TTC23L: variants seen among roughly 807,000 people sequenced by gnomAD.
TTC23L encodes tetratricopeptide repeat protein 23-like.
Under a neutral mutation model 48.1 loss-of-function variants are expected in TTC23L, and 42 were observed. That is an observed-to-expected ratio of 0.87 (90% CI 0.68 to 1.13). The LOEUF (loss-of-function observed/expected upper bound fraction) is 1.13, where lower values mean the gene tolerates loss of function less well. Among genes scored for constraint, TTC23L ranks in the 50% most tolerant of loss-of-function variants. The pLI, the probability that TTC23L is intolerant of heterozygous loss-of-function variation, is 0.00. For missense variants in TTC23L, 391 were observed against 421.0 expected (o/e 0.93, Z 0.62); for synonymous variants, 159 against 157.2 (o/e 1.01, Z -0.09).
At chr5:34,898,978 A>C (rs551112047) in intron 10 of TTC23L, among the ~76,000 whole-genome samples, 153 of 152,282 alleles carry the variant, frequency 1.0e-3, no homozygotes, top group African/African-American at 3.6e-3. Context: ...AGCAAGAGAG[A>C]TCTTTCACAG....
At position 34,855,881 on chromosome 5, in the gene TTC23L, A is replaced by G. The variant is rs77845995; in HGVS notation, c.379+5573A>G. ...GAATGAAACAAAAAAAGTTACTTAG[A>G]GGGTGGTTGGGGACAAAGGGAACAA... On this transcript the variant is annotated intron_variant, in intron 4 of 10. Coordinates refer to ENST00000505624, the Ensembl canonical transcript of TTC23L. Among the ~76,000 whole-genome samples the G allele has an allele frequency of 5.3e-3, 813 of 152,328 alleles. 5 individuals are homozygous for G. Among genetic ancestry groups the G allele is most frequent in the African/African-American group, 0.019 (776 of 41,570 alleles).
intron 4 of TTC23L, among the ~76,000 whole-genome samples, chr5:34,855,390 T>A (rs1291601619): frequency 6.6e-6 from 1 of 152,176 alleles, no homozygotes; most frequent in Non-Finnish European, 1.5e-5. Flanking sequence ...TATCAAAGTG[T>A]ACTTTTGGCA....
At chr5:34,895,896 T>G (rs373803367) in intron 9 of TTC23L, among the ~76,000 whole-genome samples, 1 of 152,246 alleles carries the variant, frequency 6.6e-6, no homozygotes, top group Admixed American at 6.5e-5. Context: ...TGCATTCATC[T>G]TCTTTTCCTA....
chr5:34,880,905 C>G (rs911331645), intron 9 of TTC23L, among the ~76,000 whole-genome samples: 1 of 152,168 alleles, frequency 6.6e-6, no homozygotes, highest in Non-Finnish European at 1.5e-5. Flanking sequence ...TCCCACAGTG[C>G]TGGGATTACA....
chr5:34,844,395 G>A (rs527323808), intron 2 of TTC23L, among the ~76,000 whole-genome samples: 1 of 142,168 alleles, frequency 7.0e-6, no homozygotes, highest in Admixed American at 7.4e-5. Context: ...ATTACAGTTG[G>A]CATACAGCTC....
At chr5:34,875,599 C>T (rs1261320249) in intron 8 of TTC23L, among the ~76,000 whole-genome samples, 1 of 152,058 alleles carries the variant, frequency 6.6e-6, no homozygotes, top group Non-Finnish European at 1.5e-5. Flanking sequence ...TCTCCCAGCC[C>T]ACTGTCTCTA....
At chr5:34,853,949 A>G (rs1759897646) in intron 4 of TTC23L, among the ~76,000 whole-genome samples, 2 of 152,236 alleles carry the variant, frequency 1.3e-5, no homozygotes, top group Non-Finnish European at 2.9e-5. Flanking sequence ...AGGCAAGGCC[A>G]GATGCTGCCC....
the TTC23L span, chr5:34,907,130 G>A: frequency 6.6e-6 from 1 of 152,194 alleles, no homozygotes; most frequent in Admixed American, 6.5e-5. Flanking sequence ...TTGTGCTGGA[G>A]TAGCCTCCTT....
chr5:34,920,538 A>G, the TTC23L span: 1 of 152,204 alleles, frequency 6.6e-6, no homozygotes, highest in Non-Finnish European at 1.5e-5. Flanking sequence ...CAACAGAGCA[A>G]TGTCCCTGTC....
chr5:34,866,669 G>A (rs1761066758), intron 6 of TTC23L, among the ~76,000 whole-genome samples: 1 of 152,138 alleles, frequency 6.6e-6, no homozygotes, highest in African/African-American at 2.4e-5. Context: ...TTAGACAACA[G>A]CACGACATAG....
intron 9 of TTC23L, among the ~76,000 whole-genome samples, chr5:34,895,997 A>G (rs62356983): frequency 0.14 from 20,842 of 152,248 alleles, 1,626 homozygotes; most frequent in Middle Eastern, 0.22. Context: ...GAGGAGCACA[A>G]TCTGCTCCAC....
intron 4 of TTC23L, among the ~76,000 whole-genome samples, chr5:34,861,843 G>A (rs1400790280): frequency 1.3e-5 from 2 of 152,168 alleles, no homozygotes; most frequent in Non-Finnish European, 2.9e-5. Context: ...CAGAGAGAGG[G>A]CTGAAAGTGA....
chr5:34,919,965 T>A, the TTC23L span: 5 of 580,114 alleles, frequency 8.6e-6, no homozygotes, highest in Non-Finnish European at 1.5e-5. Flanking sequence ...TTCAGTGACT[T>A]TAAAAATTAT....
intron 4 of TTC23L, among the ~76,000 whole-genome samples, chr5:34,860,535 T>C (rs971802925): frequency 3.9e-5 from 6 of 152,328 alleles, no homozygotes; most frequent in East Asian, 3.9e-4. Flanking sequence ...ACTTGTGAGC[T>C]GTAACTACTG....
the TTC23L span, among the ~76,000 whole-genome samples, chr5:34,912,893 C>T: frequency 6.6e-6 from 1 of 151,960 alleles, no homozygotes; most frequent in Non-Finnish European, 1.5e-5. Context: ...CCCAGCTACT[C>T]GGGAGGCTGA....
chr5:34,908,944 T>G, the TTC23L span: 1 of 1,604,558 alleles, frequency 6.2e-7, no homozygotes, highest in Non-Finnish European at 8.5e-7. Context: ...AAGGAAATCT[T>G]GTATCTGTAG....
At chr5:34,886,917 T>G (rs1378899937) in intron 9 of TTC23L, among the ~76,000 whole-genome samples, 1 of 152,194 alleles carries the variant, frequency 6.6e-6, no homozygotes, top group Non-Finnish European at 1.5e-5. Flanking sequence ...TCATTTCCCT[T>G]CCAGAGAGCT....
the TTC23L span, chr5:34,909,095 C>T: frequency 1.1e-6 from 1 of 947,544 alleles, no homozygotes; most frequent in Non-Finnish European, 1.6e-6. Flanking sequence ...AATTCATTCA[C>T]TGTTAGAACC....
downstream of TTC23L, among the ~76,000 whole-genome samples, chr5:34,900,310 A>G (rs763478708): frequency 6.6e-6 from 1 of 152,178 alleles, no homozygotes; most frequent in Non-Finnish European, 1.5e-5. Flanking sequence ...TCTTACAATA[A>G]GTAAACTAGA....
Sources: allele counts gnomAD v4.1 joint callset (sites outside exome capture counted in the v4.1 genomes callset), GRCh38; gene constraint gnomAD v4.1.1; transcripts MANE v1.5; gene names NCBI Gene and HGNC (gene_info 2026-07-23, HGNC 2026-07-21).